The following THADA variants were observed in gnomAD, a reference collection of about 807,000 sequenced individuals.
THADA encodes tRNA (32-2'-O)-methyltransferase regulator THADA.
THADA carries 213 observed loss-of-function variants against 219.8 expected under a neutral mutation model. The ratio of observed to expected loss-of-function variants is 0.97; its 90% CI spans 0.87 to 1.09. The LOEUF is 1.09. THADA is among the 50% of genes least tolerant of loss of function. The pLI is 0.00. For synonymous variants in THADA, 1,018 were observed against 828.9 expected, an observed-to-expected ratio of 1.23 and a Z score of -3.92; for missense variants, 2,956 against 2,311.3, an observed-to-expected ratio of 1.28 and a Z score of -5.72.
chr2:43,481,112 C>A (rs1269506773), intron 26 of THADA, among the ~76,000 whole-genome samples: 1 of 152,214 alleles, frequency 6.6e-6, no homozygotes, highest in African/African-American at 2.4e-5. Flanking sequence ...AGAAGCCAGT[C>A]TGTCTGGAAA....
At chr2:43,591,588 G>A (rs538997678) in intron 3 of THADA, among the ~76,000 whole-genome samples, 7 of 151,720 alleles carry the variant, frequency 4.6e-5, no homozygotes, top group Non-Finnish European at 7.4e-5. Flanking sequence ...TGCTCAAATG[G>A]TAAATCCTAA....
chr2:43,339,870 G>A (rs1666882378), intron 30 of THADA, among the ~76,000 whole-genome samples: 2 of 151,998 alleles, frequency 1.3e-5, no homozygotes, highest in South Asian at 2.1e-4. Context: ...CTGGTGGGAG[G>A]ACTGCTTGAG....
chr2:43,595,143 A>C (rs563341825), intron 1 of THADA, among the ~76,000 whole-genome samples: 1 of 152,338 alleles, frequency 6.6e-6, no homozygotes, highest in East Asian at 1.9e-4. Flanking sequence ...GATGTTCTAG[A>C]AGGGATATAT....
At chr2:43,465,645 A>T (rs1684143327) in intron 26 of THADA, among the ~76,000 whole-genome samples, 1 of 152,214 alleles carries the variant, frequency 6.6e-6, no homozygotes, top group East Asian at 1.9e-4. Context: ...CTCATCCTTC[A>T]TACCTCACTT....
chr2:43,590,741 T>C, intron 4 of THADA, 83 bp downstream of exon 4: 2 of 1,491,916 alleles, frequency 1.3e-6, no homozygotes, highest in Non-Finnish European at 1.8e-6. Context: ...AGTTCAGTTT[T>C]ATCAAACCAA....
intron 34 of THADA, among the ~76,000 whole-genome samples, chr2:43,289,238 T>G (rs1207931263): frequency 1.3e-5 from 2 of 152,246 alleles, no homozygotes; most frequent in Admixed American, 1.3e-4. Context: ...CTGGATTGTT[T>G]TCATCATTTA....
chr2:43,253,864 T>A (rs1045280392), intron 36 of THADA, among the ~76,000 whole-genome samples: 1 of 152,146 alleles, frequency 6.6e-6, no homozygotes, highest in African/African-American at 2.4e-5. Flanking sequence ...CTGATGTAAA[T>A]GATATCCAGG....
At chr2:43,292,750 T>G in intron 32 of THADA, 84 bp downstream of exon 32, 6 of 1,522,844 alleles carry the variant, frequency 3.9e-6, no homozygotes, top group Non-Finnish European at 5.3e-6. Context: ...AAACCCAATC[T>G]TGCCTTCATG....
At chr2:43,381,205 A>C (rs1248042741) in intron 29 of THADA, among the ~76,000 whole-genome samples, 1 of 152,116 alleles carries the variant, frequency 6.6e-6, no homozygotes, top group Admixed American at 6.6e-5. Flanking sequence ...AATAGCTAAA[A>C]CTGAAGCTGA....
At chr2:43,366,270 C>G (rs920167839) in intron 29 of THADA, among the ~76,000 whole-genome samples, 2 of 152,020 alleles carry the variant, frequency 1.3e-5, no homozygotes, top group Admixed American at 6.5e-5. Flanking sequence ...AAATACCGAC[C>G]AATAAAAATT....
intron 21 of THADA, among the ~76,000 whole-genome samples, chr2:43,529,212 G>C (rs1006156509): frequency 1.3e-5 from 2 of 151,848 alleles, no homozygotes; most frequent in African/African-American, 2.4e-5. Flanking sequence ...GAGTGCAGTG[G>C]CACAATCATA....
At chr2:43,538,872 C>CA (rs1293122856) in intron 21 of THADA, among the ~76,000 whole-genome samples, 1 of 152,144 alleles carries the variant, frequency 6.6e-6, no homozygotes, top group African/African-American at 2.4e-5. Flanking sequence ...CACACAGCAA[C>CA]AAAAAACCCC....
At chr2:43,389,155 C>T (rs969099773) in intron 29 of THADA, among the ~76,000 whole-genome samples, 3 of 152,152 alleles carry the variant, frequency 2.0e-5, no homozygotes, top group African/African-American at 4.8e-5. Context: ...CCCAAAATAA[C>T]ACAGCTAGTA....
chr2:43,413,162 T>C (rs1415890531), intron 28 of THADA, among the ~76,000 whole-genome samples: 3 of 152,208 alleles, frequency 2.0e-5, no homozygotes, highest in African/African-American at 4.8e-5. Flanking sequence ...ACTGTAGCTA[T>C]GTCATAGGGC....
chr2:43,298,124 AG>A (rs1675805071), intron 31 of THADA, among the ~76,000 whole-genome samples: 1 of 94,814 alleles, frequency 1.1e-5, no homozygotes, highest in South Asian at 4.1e-4. Context: ...AGAACGGGCC[AG>A]GATGACAATG....
Position 43,570,494 on chromosome 2 carries a change from T to G in THADA, c.2081A>C (p.Gln694Pro). ...SLLKKLFCRIQESSQVLYKLE... is the reference protein window; with the variant it reads ...SLLKKLFCRIPESSQVLYKLE... ...TTTATAAAGTACCTGAGAACTTTCCTGTATCCTACAAAACAACTTTTGAAA... is the reference window on the plus strand; with the variant it reads ...TTTATAAAGTACCTGAGAACTTTCCGGTATCCTACAAAACAACTTTTGAAA... The change falls in exon 14 of 38, where the codon CAG becomes CCG. Residue 694 changes from glutamine (Q) to proline (P), a missense_variant. Gln to Pro is a moderately conservative substitution (Grantham distance 76). Coordinates refer to ENST00000405975, the MANE Select transcript of THADA (RefSeq NM_022065.5). The G allele has an allele frequency of 6.2e-7, 1 of 1,608,812 alleles. No homozygotes were observed. Among genetic ancestry groups the G allele is most frequent in the Non-Finnish European group, 8.5e-7 (1 of 1,178,528 alleles).
At chr2:43,248,298 C>T (rs1320568480) in intron 36 of THADA, among the ~76,000 whole-genome samples, 2 of 151,090 alleles carry the variant, frequency 1.3e-5, no homozygotes, top group African/African-American at 2.4e-5. Context: ...GGCATGATCT[C>T]GGTTCAGTGC....
At chr2:43,299,125 T>C (rs189590637) in intron 31 of THADA, among the ~76,000 whole-genome samples, 4 of 152,140 alleles carry the variant, frequency 2.6e-5, no homozygotes, top group Admixed American at 2.6e-4. Flanking sequence ...CATAAATGAA[T>C]TCTGTGTTTA....
At chr2:43,470,100 T>C (rs988165253) in intron 26 of THADA, among the ~76,000 whole-genome samples, 8 of 150,984 alleles carry the variant, frequency 5.3e-5, no homozygotes, top group Admixed American at 5.3e-4. Context: ...CCCCAACTAC[T>C]TGGGGGCTGA....
Sources: gnomAD v4.1 joint callset for allele counts (sites outside exome capture counted in the v4.1 genomes callset) on GRCh38, gnomAD v4.1.1 for gene constraint, MANE v1.5 for transcripts, NCBI Gene and HGNC (gene_info 2026-07-23, HGNC 2026-07-21) for gene names.